Variants in CCDC197 observed in about 807,000 individuals in gnomAD.
The protein encoded by CCDC197 is uncharacterized protein CCDC197.
CCDC197 carries 24 observed loss-of-function variants against 13.4 expected under a neutral mutation model. The ratio of observed to expected loss-of-function variants is 1.80; its 90% CI spans 1.30 to 2.53. The LOEUF (loss-of-function observed/expected upper bound fraction) is 2.53, where lower values mean the gene tolerates loss of function less well. Ranked by LOEUF, CCDC197 falls within the 30% of genes most tolerant of loss-of-function variation. The probability of loss-of-function intolerance (pLI) is 0.00; values close to 1 mark genes in which losing one functional copy is unlikely to be tolerated. For missense variants in CCDC197, 255 were observed against 148.8 expected (o/e 1.71, Z -3.71); for synonymous variants, 99 against 55.5 (o/e 1.78, Z -3.48).
At chr14:93,995,846 G>T (rs1483940077), upstream of CCDC197, among the ~76,000 whole-genome samples, 2 of 152,120 alleles carry the variant, frequency 1.3e-5, no homozygotes, top group African/African-American at 4.8e-5. Context: ...GCCCAGAGTA[G>T]CCCGGACAGT....
At chr14:94,006,012 C>T (rs1407182843) in intron 6 of CCDC197, among the ~76,000 whole-genome samples, 1 of 152,174 alleles carries the variant, frequency 6.6e-6, no homozygotes, top group East Asian at 1.9e-4. Context: ...CTCTTTGGTA[C>T]GTACCTAGGA....
At position 93,999,736 on chromosome 14, in the gene CCDC197, GT is replaced by G; in HGVS notation, c.187+72del. ...CTACTGGCTGCAGGACTGCGACACC[GT>G]GTGTGGCCTCATGGAGCCACGAGCT... On this transcript the variant is annotated intron_variant, in intron 3 of 6. Transcript: ENST00000636493. The G allele has an allele frequency of 7.9e-6, 6 of 763,888 alleles. No individual in the cohort carries two copies. In the South Asian group the frequency reaches 8.2e-5, roughly 10 times the overall value. The allele number at this position is 763,888 out of a possible 1,614,324, so 47.3% of individuals were successfully genotyped here.
At chr14:93,997,656 T>C (rs1324512815) in intron 1 of CCDC197, 85 bp downstream of exon 1, 1 of 159,030 alleles carries the variant, frequency 6.3e-6, no homozygotes, top group Non-Finnish European at 1.4e-5. Flanking sequence ...GAGATGATGA[T>C]GAAGCTGCCT....
At chr14:93,989,441 C>T (rs12431811) in intron 1 of CCDC197, among the ~76,000 whole-genome samples, 90,544 of 152,000 alleles carry the variant, frequency 0.6, 30,532 homozygotes, top group East Asian at 0.97. Context: ...CTGCTCAGAG[C>T]GTGGTGCTCC....
At position 94,004,977 on chromosome 14, in the gene CCDC197, G is replaced by A. The variant is rs1015948041; in HGVS notation, c.615+6G>A. ...CCAAGCTCGATCTGATTAAGGTAAG[G>A]ATAGACAGATGGCTGCGGGGCTCCT... On this transcript the variant is annotated splice_donor_region_variant and intron_variant, in intron 6 of 6. Coordinates refer to ENST00000636493, the MANE Select transcript of CCDC197 (RefSeq NM_001351596.2). The A allele has an allele frequency of 1.0e-5, 7 of 701,616 alleles. No individual in the cohort carries two copies. Among genetic ancestry groups the A allele is most frequent in the Non-Finnish European group, 1.8e-5 (7 of 384,168 alleles). The allele number at this position is 701,616 out of a possible 1,614,324, so 43.5% of individuals were successfully genotyped here.
intron 5 of CCDC197, 88 bp from the exon 6 acceptor site, chr14:94,004,767 C>T (rs1384926035): frequency 1.5e-6 from 1 of 668,156 alleles, no homozygotes; most frequent in Non-Finnish European, 2.7e-6. Flanking sequence ...CTGTCCACGA[C>T]ACTTCGCTGG....
At chr14:93,991,422 G>T (rs1890209021) in intron 1 of CCDC197, among the ~76,000 whole-genome samples, 1 of 152,196 alleles carries the variant, frequency 6.6e-6, no homozygotes, top group African/African-American at 2.4e-5. Context: ...AGGACACAGA[G>T]GCTCAAAGAG....
intron 1 of CCDC197, among the ~76,000 whole-genome samples, 177 bp from the exon 2 acceptor site, chr14:93,997,822 G>A (rs1194738921): frequency 6.6e-6 from 1 of 152,142 alleles, no homozygotes; most frequent in Non-Finnish European, 1.5e-5. Context: ...CAGTTATAGG[G>A]CCGCAAGTGA....
At chr14:93,991,820 C>T (rs1024211187) in intron 1 of CCDC197, among the ~76,000 whole-genome samples, 1 of 151,756 alleles carries the variant, frequency 6.6e-6, no homozygotes, top group Non-Finnish European at 1.5e-5. Flanking sequence ...TGCTCCAGGC[C>T]GAGGGAACCA....
At chr14:93,991,806 C>G (rs894412319) in intron 1 of CCDC197, among the ~76,000 whole-genome samples, 1 of 151,866 alleles carries the variant, frequency 6.6e-6, no homozygotes, top group Admixed American at 6.6e-5. Context: ...AGCTTGGAGA[C>G]TTGTGCTCCA....
At chr14:94,011,606 A>G (rs920050162), downstream of CCDC197, among the ~76,000 whole-genome samples, 71 of 152,354 alleles carry the variant, frequency 4.7e-4, no homozygotes, top group African/African-American at 1.6e-3. Context: ...GCACCTTCAA[A>G]GCACTTTTCT....
intron 5 of CCDC197, 111 bp from the exon 6 acceptor site, chr14:94,004,744 C>A: frequency 1.6e-6 from 1 of 627,092 alleles, no homozygotes; most frequent in South Asian, 1.9e-5. Flanking sequence ...AGGACACTCC[C>A]AGTGTCCCAG....
rs1333396471 is a variant in CCDC197 at position 94,004,910 on chromosome 14, G to A, written c.554G>A (p.Cys185Tyr). The stretch of plus-strand genomic sequence containing the variant: ...ATCACCAACATGGCCCGGCAGTGCT[G>A]CCCCTCTGCCCACGGCGTGCCCAAG... The part of the protein sequence containing the change: ...MTITNMARQC[C>Y]PSAHGVPKSM... The change falls in exon 6 of 7, where the codon TGC becomes TAC. Residue 185 changes from cysteine to tyrosine, a missense_variant. By Grantham distance (194) the Cys-to-Tyr change is radical (BLOSUM62 -2). Coordinates refer to ENST00000636493, the MANE Select transcript of CCDC197 (RefSeq NM_001351596.2). 5.7e-6 allele frequency: 4 copies of A among 702,830 alleles called. No individual in the cohort carries two copies. In the African/African-American group the frequency reaches 7.0e-5, roughly 12 times the overall value. The allele number at this position is 702,830 out of a possible 1,614,324, so 43.5% of individuals were successfully genotyped here.
In CCDC197 at chr14:94,003,241, T is replaced by C. The variant is rs1890582365; in HGVS notation, c.385T>C (p.Cys129Arg). The change falls in exon 5 of 7, where the codon TGT becomes CGT. Residue 129 changes from cysteine to arginine, a missense_variant. Transcript: ENST00000636493. The surrounding 1 kb of genome is among the most constrained non-coding windows in gnomAD (Gnocchi z 5.0). ...ALMLSLKIRL[C>R]QLQKKCYRKQ... ...GCCCCAGAGCCTCAAGATCCGGCTG[T>C]GTCAGCTGCAGAAGAAGTGCTACCG... 1 of 780,780 alleles carries C rather than the reference T, an allele frequency of 1.3e-6. No individual in the cohort carries two copies. The highest frequency in any genetic ancestry group is 1.3e-5 in the South Asian group (1 of 74,596). The allele number at this position is 780,780 out of a possible 1,614,324, so 48.4% of individuals were successfully genotyped here.
chr14:94,008,694 G>A lies in CCDC197; in HGVS notation c.701G>A (p.Gly234Glu), dbSNP rs1483019637. 1.4e-6 allele frequency: 1 copy of A among 702,980 alleles called. No homozygotes were observed. Among genetic ancestry groups the A allele is most frequent in the South Asian group, 1.5e-5 (1 of 67,602 alleles). 43.5% of individuals were successfully genotyped at this position (702,980 alleles called of 1,614,324 possible). Residue 234 changes from glycine to glutamate, a missense_variant, in exon 7 of 7, where the codon GGG becomes GAG. Physicochemically the swap from Gly to Glu is moderately conservative, Grantham distance 98. Coordinates refer to ENST00000636493, the MANE Select transcript of CCDC197 (RefSeq NM_001351596.2). ...GTGTGCTGGTCATGGGACAGCTTCG[G>A]GGACCAGTGGCTCAGAAGACACCCC... ...PKVCWSWDSF[G>E]DQWLRRHPKP... is the part of the protein sequence containing the mutation.
At chr14:93,993,412 G>C (rs1231310423), upstream of CCDC197, among the ~76,000 whole-genome samples, 1 of 152,228 alleles carries the variant, frequency 6.6e-6, no homozygotes, top group Non-Finnish European at 1.5e-5. Flanking sequence ...AAGATGCTAA[G>C]TGTTGTACGT....
chr14:94,008,547 C>T, intron 6 of CCDC197, 62 bp from the exon 7 acceptor site: 1 of 680,486 alleles, frequency 1.5e-6, no homozygotes, highest in South Asian at 1.5e-5. Flanking sequence ...TGCTTTGGTA[C>T]CTAGAAAGCA....
chr14:93,998,034 G>A lies in CCDC197; in HGVS notation c.-98G>A. ...TAACCCTGGCTTCCAAGGATCTGAA[G>A]AGGAAGCTGCGGCTGTGACTGTCCC... is the stretch of plus-strand genomic sequence containing the variant. On this transcript the variant is annotated 5_prime_UTR_variant, in exon 2 of 7. Transcript: ENST00000636493. 1.4e-6 allele frequency: 1 copy of A among 720,350 alleles called. No individual in the cohort carries two copies. The highest frequency in any genetic ancestry group is 1.5e-5 in the South Asian group (1 of 65,754). The allele number at this position is 720,350 out of a possible 1,614,324, so 44.6% of individuals were successfully genotyped here. A position where few individuals can be genotyped will look rare whatever the true frequency, so the allele number is the denominator to read the frequency against.
intron 5 of CCDC197, 106 bp from the exon 6 acceptor site, chr14:94,004,749 T>C (rs1160176710): frequency 6.2e-6 from 4 of 644,220 alleles, no homozygotes; most frequent in Non-Finnish European, 2.8e-6. Context: ...ACTCCCAGTG[T>C]CCCAGCTCTG....
Sources: gnomAD v4.1 joint callset for allele counts (sites outside exome capture counted in the v4.1 genomes callset) on GRCh38, gnomAD v4.1.1 for gene constraint, Gnocchi (gnomAD v3.1) non-coding constraint, MANE v1.5 for transcripts, NCBI Gene and HGNC (gene_info 2026-07-23, HGNC 2026-07-21) for gene names.